SYNJ2: variants seen among roughly 807,000 people sequenced by gnomAD.
SYNJ2 encodes the protein synaptojanin 2.
In SYNJ2, 116 loss-of-function variants were observed where a neutral mutation model predicts 141.3. The observed-to-expected ratio is 0.82, with a 90% confidence interval of 0.71 to 0.96. SYNJ2 has a LOEUF of 0.96. Among genes scored for constraint, SYNJ2 ranks in the 40% least tolerant of loss-of-function variants. The pLI is 0.00. For missense variants in SYNJ2, 1,873 were observed against 1,934.8 expected, an observed-to-expected ratio of 0.97 and a Z score of 0.60; for synonymous variants, 745 against 777.7, an observed-to-expected ratio of 0.96 and a Z score of 0.70.
intron 5 of SYNJ2, among the ~76,000 whole-genome samples, chr6:158,047,067 G>A (rs547878407): frequency 6.6e-5 from 10 of 152,292 alleles, no homozygotes; most frequent in East Asian, 1.9e-4. Flanking sequence ...GAGTCGTGGC[G>A]CTGGATGGGC....
intron 1 of SYNJ2, among the ~76,000 whole-genome samples, chr6:157,993,042 C>T (rs929871066): frequency 5.9e-5 from 9 of 152,046 alleles, no homozygotes; most frequent in African/African-American, 1.2e-4. Context: ...AGTGGTTGTA[C>T]GCATATAGTA....
chr6:158,089,659 C>G (rs374962425), intron 24 of SYNJ2, among the ~76,000 whole-genome samples, 180 bp from the exon 25 acceptor site: 1 of 152,198 alleles, frequency 6.6e-6, no homozygotes, highest in East Asian at 1.9e-4. Flanking sequence ...AGTAGTATGG[C>G]ACTCTTGGAA....
chr6:157,985,848 G>T (rs1175291783), intron 1 of SYNJ2, among the ~76,000 whole-genome samples: 1 of 152,192 alleles, frequency 6.6e-6, no homozygotes, highest in African/African-American at 2.4e-5. Flanking sequence ...AGACTTGAGA[G>T]AATTAATTAA....
intron 22 of SYNJ2, among the ~76,000 whole-genome samples, 158 bp from the exon 23 acceptor site, chr6:158,086,697 C>T (rs1489230243): frequency 6.6e-6 from 1 of 150,610 alleles, no homozygotes; most frequent in Non-Finnish European, 1.5e-5. Flanking sequence ...CCGCCCCCGC[C>T]CCTCGCCGGC....
At chr6:158,076,480 T>C (rs1782296577) in intron 16 of SYNJ2, 146 bp from the exon 17 acceptor site, 2 of 913,250 alleles carry the variant, frequency 2.2e-6, no homozygotes, top group Non-Finnish European at 3.2e-6. Context: ...AAGACACATA[T>C]GTCCAGTTTC....
At position 158,068,725 on chromosome 6, in the gene SYNJ2, C is replaced by T; in HGVS notation, c.1796C>T (p.Ala599Val). 1 of 1,613,922 alleles carries T rather than the reference C, an allele frequency of 6.2e-7. No homozygotes were observed. The highest frequency in any genetic ancestry group is 8.5e-7 in the Non-Finnish European group (1 of 1,180,006). ...TTGAGCGCAGGGAATATTGTCAATG[C>T]CAGGTAAGGGGCCAGGTGTGCGGGG... ...VELSAGNIVNASTTNKKMWGE... is the reference protein window; with the variant it reads ...VELSAGNIVNVSTTNKKMWGE... Residue 599 changes from alanine to valine, a missense_variant, in exon 13 of 27, where the codon GCC becomes GTC. By Grantham distance (64) the Ala-to-Val change is moderately conservative (BLOSUM62 0). Coordinates refer to ENST00000355585, the MANE Select transcript of SYNJ2 (RefSeq NM_003898.4).
rs1285333334 is a variant in SYNJ2, at chr6:158,043,045, C to A, written c.712-271C>A. 6.6e-6 allele frequency among the ~76,000 whole-genome samples: 1 copy of A among 152,100 alleles called. No homozygotes were observed. Among genetic ancestry groups the A allele is most frequent in the Non-Finnish European group, 1.5e-5 (1 of 68,016 alleles). ...TTTCAGGGTGACGATAAGGTTGTGC[C>A]CTAGAAGTGTGAATTCCCGGAGACC... On this transcript the variant is annotated intron_variant, in intron 4 of 26. Coordinates refer to ENST00000355585, the MANE Select transcript of SYNJ2 (RefSeq NM_003898.4). This position sits in a 1 kb window ranked among gnomAD's most constrained non-coding sequence, Gnocchi z 4.0.
chr6:157,987,714 T>G (rs894424183), intron 1 of SYNJ2, among the ~76,000 whole-genome samples: 3 of 152,228 alleles, frequency 2.0e-5, no homozygotes, highest in African/African-American at 7.2e-5. Flanking sequence ...TTATTGTTTG[T>G]AGGGAGAACA....
In SYNJ2 at chr6:158,068,663, T is replaced by A. The variant is rs1425151228; in HGVS notation, c.1734T>A (p.Ala578=). The change falls in exon 13 of 27, where the codon GCT becomes GCA. Residue 578 remains alanine (A), a synonymous_variant. Transcript: ENST00000355585. ...ATDSQDDSSP[A]DIFAVGFEEM... Reference sequence around the variant, plus strand: ...GCTCCCCAGATGACAGCAGCCCAGCTGACATATTTGCTGTGGGGTTTGAAG... The same window carrying A: ...GCTCCCCAGATGACAGCAGCCCAGCAGACATATTTGCTGTGGGGTTTGAAG... 6.2e-7 allele frequency: 1 copy of A among 1,614,148 alleles called. No individual in the cohort carries two copies. Among genetic ancestry groups the A allele is most frequent in the Admixed American group, 1.7e-5 (1 of 60,014 alleles).
At position 158,027,920 on chromosome 6, in the gene SYNJ2, G is replaced by A. The variant is rs1242165684; in HGVS notation, c.215-836G>A. 1 of 152,478 alleles carries A rather than the reference G, an allele frequency of 6.6e-6. No individual in the cohort carries two copies. The highest frequency in any genetic ancestry group is 1.5e-5 in the Non-Finnish European group (1 of 68,260). The allele number at this position is 152,478 out of a possible 1,614,324, so 9.4% of individuals were successfully genotyped here. A position where few individuals can be genotyped will look rare whatever the true frequency, so the allele number is the denominator to read the frequency against. On this transcript the variant is annotated intron_variant, in intron 2 of 26. Transcript: ENST00000355585. This position sits in a 1 kb window ranked among gnomAD's most constrained non-coding sequence, Gnocchi z 4.6. The stretch of plus-strand genomic sequence containing the variant: ...GTGGGGACGCTCGTGTTCTTCCAGA[G>A]GATGGAATGCTGGGCCCGAAGCCTG...
chr6:158,005,553 C>A (rs1376138520), intron 1 of SYNJ2, among the ~76,000 whole-genome samples: 1 of 151,474 alleles, frequency 6.6e-6, no homozygotes, highest in Non-Finnish European at 1.5e-5. Context: ...GAAACCTCAG[C>A]CCTGGTTACA....
At position 158,043,585 on chromosome 6, in the gene SYNJ2, C is replaced by T. The variant is rs1318301919; in HGVS notation, c.795+186C>T. Among the ~76,000 whole-genome samples the T allele has an allele frequency of 2.6e-5, 4 of 152,182 alleles. No individual in the cohort carries two copies. Among genetic ancestry groups the T allele is most frequent in the Non-Finnish European group, 4.4e-5 (3 of 68,040 alleles). ...ACACGTGTGTGCATATGCATGCGTG[C>T]GTGTGTGTAGAAAACACAGACACCA... On this transcript the variant is annotated intron_variant, in intron 5 of 26. Coordinates refer to ENST00000355585, the MANE Select transcript of SYNJ2 (RefSeq NM_003898.4). The surrounding 1 kb of genome is among the most constrained non-coding windows in gnomAD (Gnocchi z 4.0).
rs915337963 is a variant in SYNJ2 at position 158,071,043 on chromosome 6, C to T, written c.1941-559C>T. Among the ~76,000 whole-genome samples the T allele has an allele frequency of 7.9e-5, 12 of 151,990 alleles. No homozygotes were observed. Among genetic ancestry groups the T allele is most frequent in the African/African-American group, 1.2e-4 (5 of 41,360 alleles). On this transcript the variant is annotated intron_variant, in intron 14 of 26. Transcript: ENST00000355585. This position sits in a 1 kb window ranked among gnomAD's most constrained non-coding sequence, Gnocchi z 4.3. ...ACTAAAAATACAAAAATTAGCCGGG[C>T]GTGATGGTGGGTACCTGTAATCCCA... is the stretch of plus-strand genomic sequence containing the variant.
At chr6:157,991,392 C>G (rs767630131) in intron 1 of SYNJ2, among the ~76,000 whole-genome samples, 6 of 152,160 alleles carry the variant, frequency 3.9e-5, no homozygotes, top group African/African-American at 1.4e-4. Context: ...GAGAGCCTGC[C>G]GTTCTAACAA....
rs774506011 is a variant in SYNJ2, at chr6:158,076,669, C to A, written c.2336C>A (p.Thr779Asn). 6.2e-7 allele frequency: 1 copy of A among 1,614,210 alleles called. No individual in the cohort carries two copies. The highest frequency in any genetic ancestry group is 1.1e-5 in the South Asian group (1 of 91,086). Reference protein sequence around the residue: ...FHEGAINFGPTYKYDVGSAAY... With the variant: ...FHEGAINFGPNYKYDVGSAAY... Reference sequence around the variant, plus strand: ...GAAGGAGCCATTAACTTTGGACCCACCTACAAGTATGACGTTGGCTCAGCC... The same window carrying A: ...GAAGGAGCCATTAACTTTGGACCCAACTACAAGTATGACGTTGGCTCAGCC... The change falls in exon 17 of 27, where the codon ACC (threonine) becomes AAC (asparagine). Residue 779 changes from threonine (T) to asparagine (N), a missense_variant. Transcript: ENST00000355585.
chr6:158,061,264 C>T (rs1248634383), intron 7 of SYNJ2, among the ~76,000 whole-genome samples: 1 of 152,234 alleles, frequency 6.6e-6, no homozygotes, highest in African/African-American at 2.4e-5. Context: ...GGGTGAGAGG[C>T]CTGGAAGCCG....
chr6:158,015,840 G>T (rs1409388510), intron 1 of SYNJ2, among the ~76,000 whole-genome samples: 1 of 152,048 alleles, frequency 6.6e-6, no homozygotes, highest in African/African-American at 2.4e-5. Flanking sequence ...TTATTTTCTT[G>T]ATTTTTATAA....
intron 1 of SYNJ2, 196 bp from the exon 2 acceptor site, chr6:158,017,007 TG>T: frequency 7.9e-7 from 1 of 1,273,160 alleles, no homozygotes. Context: ...AAGCTGTTGG[TG>T]GGAAGGTCTG....
chr6:158,055,503 A>ATGTGTC (rs151132943), intron 6 of SYNJ2, among the ~76,000 whole-genome samples: 1 of 147,762 alleles, frequency 6.8e-6, no homozygotes, highest in African/African-American at 2.5e-5. Context: ...TTGGCATTTT[A>ATGTGTC]TGTGTGTGTG....
Sources: gnomAD v4.1 joint callset for allele counts (sites outside exome capture counted in the v4.1 genomes callset) on GRCh38, gnomAD v4.1.1 for gene constraint, Gnocchi (gnomAD v3.1) non-coding constraint, MANE v1.5 for transcripts, NCBI Gene and HGNC (gene_info 2026-07-23, HGNC 2026-07-21) for gene names.